Variants in RASSF10 observed in about 807,000 individuals in gnomAD.
RASSF10 encodes the protein ras association domain-containing protein 10.
Under a neutral mutation model 41.5 loss-of-function variants are expected in RASSF10, and 22 were observed. The ratio of observed to expected loss-of-function variants is 0.53; its 90% confidence interval spans 0.38 to 0.76. The LOEUF (loss-of-function observed/expected upper bound fraction) is 0.76, where lower values mean the gene tolerates loss of function less well. Ranked by LOEUF, RASSF10 falls within the 30% of genes least tolerant of loss-of-function variation. The pLI is 0.00. For synonymous variants in RASSF10, 364 were observed against 319.0 expected (o/e 1.14, Z -1.50); for missense variants, 776 against 711.8 (o/e 1.09, Z -1.03).
chr11:13,010,961 C>A lies in RASSF10; in HGVS notation c.1385C>A (p.Ala462Asp). Residue 462 changes from alanine to aspartate, a missense_variant, in exon 1 of 1, where the codon GCC becomes GAC. Transcript: ENST00000529419. This position sits in a 1 kb window ranked among gnomAD's most constrained non-coding sequence, Gnocchi z 4.8. ...CCCTCGCGGGAACCTGGGCCTCAAGCCTGCGCCGACATGTGGGTGGACCAG... is the reference window on the plus strand; with the variant it reads ...CCCTCGCGGGAACCTGGGCCTCAAGACTGCGCCGACATGTGGGTGGACCAG... ...GSPSREPGPQACADMWVDQAR... is the reference protein window; with the variant it reads ...GSPSREPGPQDCADMWVDQAR... 1 of 1,613,752 alleles carries A rather than the reference C, an allele frequency of 6.2e-7. No individual in the cohort carries two copies. Among genetic ancestry groups the A allele is most frequent in the Non-Finnish European group, 8.5e-7 (1 of 1,179,878 alleles).
rs1448230752 is a variant in RASSF10, at chr11:13,010,277, C to A, written c.701C>A (p.Ser234Tyr). The stretch of plus-strand genomic sequence containing the variant: ...GAGACGCTGGTGCATCTGGTGCTTT[C>A]CCAGGACCACACAATTCGCCAGCAG... Reference protein sequence around the residue: ...RMETLVHLVLSQDHTIRQQVQ... With the variant: ...RMETLVHLVLYQDHTIRQQVQ... Residue 234 changes from serine to tyrosine, a missense_variant, in exon 1 of 1, where the codon TCC (serine) becomes TAC (tyrosine). By Grantham distance (144) the Ser-to-Tyr change is moderately radical. Coordinates refer to ENST00000529419, the MANE Select transcript of RASSF10 (RefSeq NM_001080521.3). This position sits in a 1 kb window ranked among gnomAD's most constrained non-coding sequence, Gnocchi z 4.8. The A allele has an allele frequency of 1.3e-6, 2 of 1,560,430 alleles. No individual in the cohort carries two copies. Among genetic ancestry groups the A allele is most frequent in the South Asian group, 1.2e-5 (1 of 84,422 alleles).
chr11:13,009,864 G>C lies in RASSF10; in HGVS notation c.288G>C (p.Lys96Asn), dbSNP rs747079769. 1 of 1,606,302 alleles carries C rather than the reference G, an allele frequency of 6.2e-7. No individual in the cohort carries two copies. The highest frequency in any genetic ancestry group is 1.3e-5 in the African/African-American group (1 of 74,964). ...CGCAGTGCTATTGCATCGTGGAGAA[G>C]TGGCGCGGCTTTGAGCGCATCCTCC... Reference protein sequence around the residue: ...GPPQCYCIVEKWRGFERILPN... With the variant: ...GPPQCYCIVENWRGFERILPN... Residue 96 changes from lysine to asparagine, a missense_variant, in exon 1 of 1, where the codon AAG becomes AAC. By Grantham distance (94) the Lys-to-Asn change is moderately conservative. Transcript: ENST00000529419.
rs1168346582 is a variant in RASSF10, at chr11:13,010,360, C to A, written c.784C>A (p.Leu262Met). ...CGATCACTACGAGGCCAAGGTGCAC[C>A]TGGACCGCATGCGGCGTCACGGGGT... ...EIDHYEAKVH[L>M]DRMRRHGVNY... The change falls in exon 1 of 1, where the codon CTG (leucine) becomes ATG (methionine). Residue 262 changes from leucine (L) to methionine (M), a missense_variant. By Grantham distance (15) the Leu-to-Met change is conservative. Coordinates refer to ENST00000529419, the MANE Select transcript of RASSF10 (RefSeq NM_001080521.3). This position sits in a 1 kb window ranked among gnomAD's most constrained non-coding sequence, Gnocchi z 4.8. 9.7e-6 allele frequency: 15 copies of A among 1,551,460 alleles called. No individual in the cohort carries two copies. Among genetic ancestry groups the A allele is most frequent in the Non-Finnish European group, 1.2e-5 (14 of 1,146,988 alleles).
chr11:13,011,467 C>G lies in RASSF10; in HGVS notation c.*367C>G, dbSNP rs1315628455. The G allele has an allele frequency of 1.1e-5, 2 of 182,818 alleles. No homozygotes were observed. Among genetic ancestry groups the G allele is most frequent in the African/African-American group, 4.7e-5 (2 of 42,804 alleles). 11.3% of individuals were successfully genotyped at this position (182,818 alleles called of 1,614,324 possible). A position where few individuals can be genotyped will look rare whatever the true frequency, so the allele number is the denominator to read the frequency against. On this transcript the variant is annotated 3_prime_UTR_variant, in exon 1 of 1. Coordinates refer to ENST00000529419, the MANE Select transcript of RASSF10 (RefSeq NM_001080521.3). ...TCTGTATGGGAAGGACTGATGGCAG[C>G]TAGAACTTTAGTTTGTGGTATGAAG...
chr11:13,009,375 G>T lies in RASSF10; in HGVS notation c.-202G>T. On this transcript the variant is annotated 5_prime_UTR_variant, in exon 1 of 1. Coordinates refer to ENST00000529419, the MANE Select transcript of RASSF10 (RefSeq NM_001080521.3). ...TTGCCCCGGGAGCGCCCGTCGTCCG[G>T]GCAGAGCGCAGCCGCAACCGCGACC... 1 of 1,264,436 alleles carries T rather than the reference G, an allele frequency of 7.9e-7. No individual in the cohort carries two copies. The allele number at this position is 1,264,436 out of a possible 1,614,324, so 78.3% of individuals were successfully genotyped here.
At position 13,010,898 on chromosome 11, in the gene RASSF10, T is replaced by C. The variant is rs1949574416; in HGVS notation, c.1322T>C (p.Leu441Pro). The C allele has an allele frequency of 1.2e-6, 2 of 1,613,882 alleles. No homozygotes were observed. Among genetic ancestry groups the C allele is most frequent in the Non-Finnish European group, 1.7e-6 (2 of 1,179,878 alleles). The change falls in exon 1 of 1, where the codon CTG (leucine) becomes CCG (proline). Residue 441 changes from leucine (L) to proline (P), a missense_variant. Physicochemically the swap from Leu to Pro is moderately conservative, Grantham distance 98 (BLOSUM62 -3). Coordinates refer to ENST00000529419, the MANE Select transcript of RASSF10 (RefSeq NM_001080521.3). The surrounding 1 kb of genome is among the most constrained non-coding windows in gnomAD (Gnocchi z 4.8). ...CTGCAAACTTTGCACACTTTGGAGCTGACGGTGGCACCGGATGGGGCTCCT... is the reference window on the plus strand; with the variant it reads ...CTGCAAACTTTGCACACTTTGGAGCCGACGGTGGCACCGGATGGGGCTCCT... Reference protein sequence around the residue: ...GLLQTLHTLELTVAPDGAPGS... With the variant: ...GLLQTLHTLEPTVAPDGAPGS...
Position 13,010,919 on chromosome 11 carries a change from C to G in RASSF10, c.1343C>G (p.Ala448Gly). Residue 448 changes from alanine (A) to glycine (G), a missense_variant, in exon 1 of 1, where the codon GCT becomes GGT. Coordinates refer to ENST00000529419, the MANE Select transcript of RASSF10 (RefSeq NM_001080521.3). The surrounding 1 kb of genome is among the most constrained non-coding windows in gnomAD (Gnocchi z 4.8). ...TLELTVAPDG[A>G]PGSGSPSREP... is the part of the protein sequence containing the mutation. ...GAGCTGACGGTGGCACCGGATGGGG[C>G]TCCTGGCTCTGGCAGTCCCTCGCGG... The G allele has an allele frequency of 6.2e-7, 1 of 1,613,804 alleles. No homozygotes were observed. The highest frequency in any genetic ancestry group is 8.5e-7 in the Non-Finnish European group (1 of 1,179,872).
chr11:13,009,727 C>A lies in RASSF10; in HGVS notation c.151C>A (p.Arg51=). ...GCGACGGAGACAGCGGCGGAGCCGG[C>A]GGCTGGGGTCGGCCGGCGACCCGCA... The part of the protein sequence containing the change: ...RRRRRQRRSR[R]LGSAGDPHGP... The change falls in exon 1 of 1, where the codon CGG becomes AGG. Residue 51 remains arginine (R), a synonymous_variant. Coordinates refer to ENST00000529419, the MANE Select transcript of RASSF10 (RefSeq NM_001080521.3). 1.3e-6 allele frequency: 2 copies of A among 1,575,726 alleles called. No individual in the cohort carries two copies. Among genetic ancestry groups the A allele is most frequent in the East Asian group, 2.4e-5 (1 of 42,464 alleles).
chr11:13,009,685 G>A lies in RASSF10; in HGVS notation c.109G>A (p.Glu37Lys). ...TCSDVVRVLLEDGCRRRRRQR... is the reference protein window; with the variant it reads ...TCSDVVRVLLKDGCRRRRRQR... ...CTCCGACGTTGTGCGAGTGCTTTTG[G>A]AGGACGGCTGCCGGCGGCGACGGAG... The change falls in exon 1 of 1, where the codon GAG becomes AAG. Residue 37 changes from glutamate to lysine, a missense_variant. Physicochemically the swap from Glu to Lys is moderately conservative, Grantham distance 56 (BLOSUM62 1). Coordinates refer to ENST00000529419, the MANE Select transcript of RASSF10 (RefSeq NM_001080521.3). The A allele has an allele frequency of 6.3e-7, 1 of 1,599,024 alleles. No homozygotes were observed. Among genetic ancestry groups the A allele is most frequent in the Non-Finnish European group, 8.5e-7 (1 of 1,173,122 alleles).
At position 13,012,095 on chromosome 11, in the gene RASSF10, A is replaced by G. The variant is rs1949583999; in HGVS notation, c.*995A>G. ...TTGAGCTATGTGATTAAAACCAACCATGACCTTAACGGATTTTACCCAAAC... is the reference window on the plus strand; with the variant it reads ...TTGAGCTATGTGATTAAAACCAACCGTGACCTTAACGGATTTTACCCAAAC... On this transcript the variant is annotated 3_prime_UTR_variant, in exon 1 of 1. Coordinates refer to ENST00000529419, the MANE Select transcript of RASSF10 (RefSeq NM_001080521.3). 6.6e-6 allele frequency: 1 copy of G among 152,240 alleles called. No homozygotes were observed. Among genetic ancestry groups the G allele is most frequent in the South Asian group, 2.1e-4 (1 of 4,830 alleles). 9.4% of individuals were successfully genotyped at this position (152,240 alleles called of 1,614,324 possible). A position where few individuals can be genotyped will look rare whatever the true frequency, so the allele number is the denominator to read the frequency against.
At position 13,010,722 on chromosome 11, in the gene RASSF10, G is replaced by A; in HGVS notation, c.1146G>A (p.Glu382=). 6.3e-7 allele frequency: 1 copy of A among 1,596,888 alleles called. No homozygotes were observed. Among genetic ancestry groups the A allele is most frequent in the Non-Finnish European group, 8.5e-7 (1 of 1,172,158 alleles). ...PLEPDGGPDG[E]LLLEQERVRT... ...AGCCCGACGGTGGCCCCGACGGCGA[G>A]CTGCTGCTGGAGCAGGAACGGGTCA... The change falls in exon 1 of 1, where the codon GAG becomes GAA. Residue 382 remains glutamate, a synonymous_variant. Coordinates refer to ENST00000529419, the MANE Select transcript of RASSF10 (RefSeq NM_001080521.3). The surrounding 1 kb of genome is among the most constrained non-coding windows in gnomAD (Gnocchi z 4.8).
At position 13,009,566 on chromosome 11, in the gene RASSF10, C is replaced by G. The variant is rs757159296; in HGVS notation, c.-11C>G. 1 of 1,602,698 alleles carries G rather than the reference C, an allele frequency of 6.2e-7. No individual in the cohort carries two copies. ...CCCGGCCGGACCTGCCACCTGCGCC[C>G]TGGTTGCGCCATGGATCCTTCGGAA... On this transcript the variant is annotated 5_prime_UTR_variant, in exon 1 of 1. Coordinates refer to ENST00000529419, the MANE Select transcript of RASSF10 (RefSeq NM_001080521.3).
chr11:13,009,909 G>A lies in RASSF10; in HGVS notation c.333G>A (p.Leu111=), dbSNP rs761405109. 3.1e-6 allele frequency: 5 copies of A among 1,601,524 alleles called. No homozygotes were observed. In the South Asian group the frequency reaches 4.5e-5, roughly 14 times the overall value. Residue 111 remains leucine (L), a synonymous_variant, in exon 1 of 1, where the codon TTG becomes TTA. Transcript: ENST00000529419. Reference sequence around the variant, plus strand: ...TCCTCCCCAACAAGACGCGCATCTTGCGCCTCTGGGCTGCCTGGGGCGAAG... The same window carrying A: ...TCCTCCCCAACAAGACGCGCATCTTACGCCTCTGGGCTGCCTGGGGCGAAG... ...ERILPNKTRI[L]RLWAAWGEEQ...
Position 13,010,895 on chromosome 11 carries a change from A to G in RASSF10, c.1319A>G (p.Glu440Gly), listed in dbSNP as rs1949574369. ...QGLLQTLHTL[E>G]LTVAPDGAPG... is the part of the protein sequence containing the mutation. Reference sequence around the variant, plus strand: ...CTTCTGCAAACTTTGCACACTTTGGAGCTGACGGTGGCACCGGATGGGGCT... The same window carrying G: ...CTTCTGCAAACTTTGCACACTTTGGGGCTGACGGTGGCACCGGATGGGGCT... The change falls in exon 1 of 1, where the codon GAG becomes GGG. Residue 440 changes from glutamate to glycine, a missense_variant. Transcript: ENST00000529419. This position sits in a 1 kb window ranked among gnomAD's most constrained non-coding sequence, Gnocchi z 4.8. 1 of 1,613,662 alleles carries G rather than the reference A, an allele frequency of 6.2e-7. No homozygotes were observed. The highest frequency in any genetic ancestry group is 1.7e-5 in the Admixed American group (1 of 59,998).
In RASSF10 at chr11:13,009,541, C is replaced by G. The variant is rs564765195; in HGVS notation, c.-36C>G. ...TGCTGTCCTCGCCGCCCCAGCAGAC[C>G]CCGGCCGGACCTGCCACCTGCGCCC... On this transcript the variant is annotated 5_prime_UTR_variant, in exon 1 of 1. Transcript: ENST00000529419. 3.1e-6 allele frequency: 5 copies of G among 1,590,734 alleles called. No homozygotes were observed. The South Asian group carries it at 5.7e-5, about 18-fold the overall frequency.
rs771172321 is a variant in RASSF10, at chr11:13,011,198, T to C, written c.*98T>C. On this transcript the variant is annotated 3_prime_UTR_variant, in exon 1 of 1. Coordinates refer to ENST00000529419, the MANE Select transcript of RASSF10 (RefSeq NM_001080521.3). ...GCTCGCGGACTTGAAACCAGGCTGT[T>C]GCGAGCCCAGAGCTCCGGCTGGGCA... 3 of 1,017,332 alleles carry C rather than the reference T, an allele frequency of 2.9e-6. No homozygotes were observed. Among genetic ancestry groups the C allele is most frequent in the Admixed American group, 2.8e-5 (1 of 35,884 alleles). The allele number at this position is 1,017,332 out of a possible 1,614,324, so 63.0% of individuals were successfully genotyped here. A position where few individuals can be genotyped will look rare whatever the true frequency, so the allele number is the denominator to read the frequency against.
chr11:13,011,105 G>T lies in RASSF10; in HGVS notation c.*5G>T, dbSNP rs748405216. ...ATGTGCGAATCCCTTGTGTAGGGGT[G>T]GGGGGCGGGGGGCGGGGGGCGGGAA... On this transcript the variant is annotated 3_prime_UTR_variant, in exon 1 of 1. Transcript: ENST00000529419. 1 of 200,180 alleles carries T rather than the reference G, an allele frequency of 5.0e-6. No individual in the cohort carries two copies. 12.4% of individuals were successfully genotyped at this position (200,180 alleles called of 1,614,324 possible).
Position 13,010,391 on chromosome 11 carries a change from A to ACCC in RASSF10, c.816_817insCCC (p.Tyr272_Val273insPro), listed in dbSNP as rs2134212936. On this transcript the variant is annotated inframe_insertion, in exon 1 of 1. Transcript: ENST00000529419. This position sits in a 1 kb window ranked among gnomAD's most constrained non-coding sequence, Gnocchi z 4.8. ...CGCATGCGGCGTCACGGGGTCAACTACGTGCAGGACACTTACTTGGTTGGG... is the reference window on the plus strand; with the variant it reads ...CGCATGCGGCGTCACGGGGTCAACTACCCCGTGCAGGACACTTACTTGGTTGGG... 3 of 1,550,662 alleles carry ACCC rather than the reference A, an allele frequency of 1.9e-6. No homozygotes were observed. In the East Asian group the frequency reaches 7.3e-5, roughly 38 times the overall value.
In RASSF10 at chr11:13,010,646, G is replaced by A. The variant is rs1010725514; in HGVS notation, c.1070G>A (p.Arg357Lys). 3 of 1,592,680 alleles carry A rather than the reference G, an allele frequency of 1.9e-6. No individual in the cohort carries two copies. The highest frequency in any genetic ancestry group is 1.7e-6 in the Non-Finnish European group (2 of 1,170,422). Reference protein sequence around the residue: ...SAEIQEELNQRWMRRRQEELA... With the variant: ...SAEIQEELNQKWMRRRQEELA... ...GAGATTCAGGAGGAACTCAACCAGA[G>A]GTGGATGCGACGGCGCCAGGAGGAG... The change falls in exon 1 of 1, where the codon AGG becomes AAG. Residue 357 changes from arginine to lysine, a missense_variant. Coordinates refer to ENST00000529419, the MANE Select transcript of RASSF10 (RefSeq NM_001080521.3). The surrounding 1 kb of genome is among the most constrained non-coding windows in gnomAD (Gnocchi z 4.8).
Sources: allele counts gnomAD v4.1 joint callset, GRCh38; gene constraint gnomAD v4.1.1; non-coding constraint Gnocchi (gnomAD v3.1); transcripts MANE v1.5; gene names NCBI Gene and HGNC (gene_info 2026-07-23, HGNC 2026-07-21).